MYLK3: variants seen among roughly 807,000 people sequenced by gnomAD.
MYLK3 encodes myosin light chain kinase 3.
MYLK3 carries 55 observed loss-of-function variants against 76.3 expected under a neutral mutation model. The ratio of observed to expected loss-of-function variants is 0.72; its 90% CI spans 0.58 to 0.90. The LOEUF (loss-of-function observed/expected upper bound fraction) is 0.90, where lower values mean the gene tolerates loss of function less well. Ranked by LOEUF, MYLK3 falls within the 40% of genes least tolerant of loss-of-function variation. The pLI, the probability that MYLK3 is intolerant of heterozygous loss-of-function variation, is 0.00. For synonymous variants in MYLK3, 416 were observed against 425.4 expected (o/e 0.98, Z 0.27); for missense variants, 973 against 1,053.6 (o/e 0.92, Z 1.06).
chr16:46,706,939 G>A lies in MYLK3; in HGVS notation c.*765C>T, dbSNP rs997046197. ...AAGAGCAGCTTTCCTTTATGTCTCA[G>A]GATGTATCATTTCTGTGTTTCTCAG... On this transcript the variant is annotated 3_prime_UTR_variant, in exon 13 of 13. Transcript: ENST00000394809. The A allele has an allele frequency of 6.6e-6, 1 of 152,188 alleles. No individual in the cohort carries two copies. The highest frequency in any genetic ancestry group is 2.4e-5 in the African/African-American group (1 of 41,430). The allele number at this position is 152,188 out of a possible 1,614,324, so 9.4% of individuals were successfully genotyped here.
chr16:46,716,307 T>C (rs990534265), intron 9 of MYLK3, among the ~76,000 whole-genome samples: 8 of 151,814 alleles, frequency 5.3e-5, no homozygotes, highest in African/African-American at 1.9e-4. Context: ...ATGGGATAGA[T>C]AGATGGATAG....
intron 12 of MYLK3, among the ~76,000 whole-genome samples, chr16:46,708,126 C>T (rs1470566273): frequency 1.3e-5 from 2 of 152,190 alleles, no homozygotes; most frequent in East Asian, 3.9e-4. Context: ...CCACCTCAGC[C>T]TCCCAAGTAG....
At position 46,732,213 on chromosome 16, in the gene MYLK3, A is replaced by C. The variant is rs1369086450; in HGVS notation, c.1457T>G (p.Val486Gly). 1 of 1,580,896 alleles carries C rather than the reference A, an allele frequency of 6.3e-7. No individual in the cohort carries two copies. The highest frequency in any genetic ancestry group is 8.6e-7 in the Non-Finnish European group (1 of 1,167,182). ...CAGGCAACAGCCCCACTTACCCAGA[A>C]CCACGCTGCCAGCCTCGGCGCCTGG... ...MPPGAEAGSV[V>G]LDDSPAPPAP... Residue 486 changes from valine to glycine, a missense_variant, in exon 4 of 13, where the codon GTT becomes GGT. By Grantham distance (109) the Val-to-Gly change is moderately radical (BLOSUM62 -3). This residue lies in a region of MYLK3 where 641 missense variants were observed against 637.0 expected (regional missense o/e 1.01). Coordinates refer to ENST00000394809, the MANE Select transcript of MYLK3 (RefSeq NM_182493.3).
In MYLK3 at chr16:46,720,997, C is replaced by A. The variant is rs1431756209; in HGVS notation, c.1985+126G>T. ...GCAAGTCAAAGGCCACCAGCTTCTG[C>A]ACACAAGAGCTTTCTTGCATCAGTT... is the stretch of plus-strand genomic sequence containing the variant. On this transcript the variant is annotated intron_variant, in intron 9 of 12. Coordinates refer to ENST00000394809, the MANE Select transcript of MYLK3 (RefSeq NM_182493.3). 8.3e-6 allele frequency: 7 copies of A among 844,880 alleles called. No homozygotes were observed. The East Asian group carries it at 1.7e-4, about 21-fold the overall frequency. 52.3% of individuals were successfully genotyped at this position (844,880 alleles called of 1,614,324 possible).
chr16:46,745,953 A>C (rs1967013963), intron 1 of MYLK3, among the ~76,000 whole-genome samples: 1 of 152,114 alleles, frequency 6.6e-6, no homozygotes, highest in South Asian at 2.1e-4. Flanking sequence ...GGGGGATGGA[A>C]TAGGAAGGAG....
At position 46,719,679 on chromosome 16, in the gene MYLK3, C is replaced by T. The variant is rs117582057; in HGVS notation, c.1985+1444G>A. On this transcript the variant is annotated intron_variant, in intron 9 of 12. Coordinates refer to ENST00000394809, the MANE Select transcript of MYLK3 (RefSeq NM_182493.3). ...GCTCAGTTCTGTGGGTTCCGCAGGC[C>T]TCCTGGGGCTAGGACATGCTGGGCT... is the stretch of plus-strand genomic sequence containing the variant. Among the ~76,000 whole-genome samples the T allele has an allele frequency of 5.4e-3, 822 of 152,290 alleles. 4 individuals are homozygous for T. The highest frequency in any genetic ancestry group is 0.01 in the Middle Eastern group (3 of 294).
upstream of MYLK3, among the ~76,000 whole-genome samples, chr16:46,749,771 T>C (rs1218841475): frequency 6.6e-6 from 1 of 152,192 alleles, no homozygotes; most frequent in East Asian, 1.9e-4. Context: ...CATTAGAGGT[T>C]TTGCTATGTT....
chr16:46,747,462 G>T (rs1302050223), intron 1 of MYLK3, among the ~76,000 whole-genome samples: 1 of 152,248 alleles, frequency 6.6e-6, no homozygotes, highest in Non-Finnish European at 1.5e-5. Context: ...CCACAGCTAG[G>T]TTCCCTGGAG....
In MYLK3 at chr16:46,727,247, G is replaced by C. The variant is rs1292359679; in HGVS notation, c.1903C>G (p.Leu635Val). 1.2e-6 allele frequency: 2 copies of C among 1,613,700 alleles called. No homozygotes were observed. Among genetic ancestry groups the C allele is most frequent in the African/African-American group, 2.7e-5 (2 of 74,932 alleles). Residue 635 changes from leucine (L) to valine (V), a missense_variant, in exon 8 of 13, where the codon CTG becomes GTG. Transcript: ENST00000394809. The stretch of plus-strand genomic sequence containing the variant: ...AGGGCAGAACCCACCTTGAGGTCCA[G>C]GTGCAGGATGTAGTGCTGGTGCAGG... ...HYLHQHYILH[L>V]DLKPENILCV...
intron 1 of MYLK3, among the ~76,000 whole-genome samples, chr16:46,761,525 C>T (rs190506360): frequency 6.6e-6 from 1 of 152,066 alleles, no homozygotes; most frequent in Non-Finnish European, 1.5e-5. Flanking sequence ...TGTTCAAATT[C>T]CATAGGCTGA....
At chr16:46,713,187 T>C (rs949495308) in intron 9 of MYLK3, among the ~76,000 whole-genome samples, 7 of 143,092 alleles carry the variant, frequency 4.9e-5, no homozygotes, top group African/African-American at 1.5e-4. Context: ...ATATTTATGG[T>C]ATATATGATG....
chr16:46,740,237 AG>A, intron 1 of MYLK3, 90 bp from the exon 2 acceptor site: 1 of 970,918 alleles, frequency 1.0e-6, no homozygotes, highest in Non-Finnish European at 1.6e-6. Context: ...CCCTTGTTTA[AG>A]ATAAGGGCAT....
intron 3 of MYLK3, among the ~76,000 whole-genome samples, chr16:46,733,293 T>G (rs767551022): frequency 8.5e-5 from 13 of 152,166 alleles, no homozygotes; most frequent in Non-Finnish European, 1.9e-4. Context: ...AGATGGAGGC[T>G]ACAGTGAGCT....
chr16:46,727,446 ATAGGGCCAAAAGAGGCCAGCCCGGG>A, intron 7 of MYLK3, 69 bp from the exon 8 acceptor site: 1 of 1,522,142 alleles, frequency 6.6e-7, no homozygotes, highest in Non-Finnish European at 8.9e-7. Flanking sequence ...CACTGTCATT[ATAGGGCCAAAAGAGGCCAGCCCGGG>A]TAGGCCCACC....
chr16:46,753,137 T>C (rs887232891), upstream of MYLK3, among the ~76,000 whole-genome samples: 1 of 152,030 alleles, frequency 6.6e-6, no homozygotes, highest in Non-Finnish European at 1.5e-5. Context: ...CAAAGGTGAA[T>C]ACAGATACAG....
rs1353776513 is a variant in MYLK3 at position 46,703,622 on chromosome 16, TTAC to T, written c.*4079_*4081del. On this transcript the variant is annotated 3_prime_UTR_variant, in exon 13 of 13. Coordinates refer to ENST00000394809, the MANE Select transcript of MYLK3 (RefSeq NM_182493.3). Reference sequence around the variant, plus strand: ...TTTGAGCTAAGTACACACCAGCAAATTACTAAAAATATCCAGAAAAACTCAAGC... The same window carrying T: ...TTTGAGCTAAGTACACACCAGCAAATTAAAAATATCCAGAAAAACTCAAGC... 2 of 152,260 alleles carry T rather than the reference TTAC, an allele frequency of 1.3e-5. No homozygotes were observed. Among genetic ancestry groups the T allele is most frequent in the Admixed American group, 6.5e-5 (1 of 15,270 alleles). The allele number at this position is 152,260 out of a possible 1,614,324, so 9.4% of individuals were successfully genotyped here. A position where few individuals can be genotyped will look rare whatever the true frequency, so the allele number is the denominator to read the frequency against.
At chr16:46,709,777 AT>A in intron 11 of MYLK3, 106 bp from the exon 12 acceptor site, 1 of 1,263,862 alleles carries the variant, frequency 7.9e-7, no homozygotes, top group East Asian at 2.4e-5. Context: ...CAGATTAATC[AT>A]TTAGGCAGAT....
At chr16:46,762,512 G>A (rs919550910) in intron 1 of MYLK3, among the ~76,000 whole-genome samples, 3 of 152,160 alleles carry the variant, frequency 2.0e-5, no homozygotes, top group African/African-American at 7.2e-5. Flanking sequence ...ATTTACAAAC[G>A]TTATTGGGAG....
At chr16:46,761,816 T>TCAAAA (rs1967278918) in intron 1 of MYLK3, among the ~76,000 whole-genome samples, 1 of 151,848 alleles carries the variant, frequency 6.6e-6, no homozygotes, top group Admixed American at 6.6e-5. Flanking sequence ...AGACTCCATT[T>TCAAAA]CAAAACAAAA....
Sources: allele counts gnomAD v4.1 joint callset (sites outside exome capture counted in the v4.1 genomes callset), GRCh38; gene constraint gnomAD v4.1.1; regional missense constraint gnomAD v4.1.1; transcripts MANE v1.5; gene names NCBI Gene and HGNC (gene_info 2026-07-23, HGNC 2026-07-21).